KCNQ5: variants seen among roughly 807,000 people sequenced by gnomAD.
KCNQ5 encodes the protein potassium voltage-gated channel subfamily KQT member 5.
Under a neutral mutation model 98.2 loss-of-function variants are expected in KCNQ5, and 30 were observed. The ratio of observed to expected loss-of-function variants is 0.31; its 90% CI spans 0.23 to 0.41. KCNQ5 has a LOEUF of 0.41. KCNQ5 is among the 10% of genes least tolerant of loss of function. The pLI is 1.00. For missense variants in KCNQ5, 835 were observed against 1,182.5 expected (o/e 0.71, Z 4.31); for synonymous variants, 458 against 449.4 (o/e 1.02, Z -0.24).
At chr6:73,171,419 T>C (rs769678015) in intron 11 of KCNQ5, among the ~76,000 whole-genome samples, 22 of 152,174 alleles carry the variant, frequency 1.4e-4, no homozygotes, top group Non-Finnish European at 2.6e-4. Context: ...CCTAGAAGTC[T>C]TGGGTGATGT....
At chr6:72,994,893 A>C (rs1769212948) in intron 1 of KCNQ5, among the ~76,000 whole-genome samples, 1 of 152,286 alleles carries the variant, frequency 6.6e-6, no homozygotes, top group Admixed American at 6.5e-5. Flanking sequence ...ATTTATGTAC[A>C]GGAGTATGAT....
intron 2 of KCNQ5, among the ~76,000 whole-genome samples, chr6:73,017,427 C>T (rs1466758547): frequency 6.6e-6 from 1 of 150,894 alleles, no homozygotes; most frequent in Non-Finnish European, 1.5e-5. Flanking sequence ...CTGATCATGC[C>T]CATTTATTGA....
chr6:72,689,231 G>A (rs183251908), intron 1 of KCNQ5, among the ~76,000 whole-genome samples: 4 of 152,258 alleles, frequency 2.6e-5, no homozygotes, highest in South Asian at 4.1e-4. Context: ...CGTCAATGGC[G>A]GAACAGAATG....
intron 3 of KCNQ5, among the ~76,000 whole-genome samples, chr6:73,056,836 T>C (rs1772523724): frequency 6.6e-6 from 1 of 152,090 alleles, no homozygotes; most frequent in Non-Finnish European, 1.5e-5. Flanking sequence ...CAACAGGTGC[T>C]GGAGAGGATG....
rs562720815 is a variant in KCNQ5, at chr6:72,672,063, G to A, written c.398+49476G>A. ...AATCTTCTGACCTCATGATCCGCCC[G>A]CCTCGGCCTCCCAAAGTGCTGGGAT... is the stretch of plus-strand genomic sequence containing the variant. On this transcript the variant is annotated intron_variant, in intron 1 of 13. Coordinates refer to ENST00000370398, the MANE Select transcript of KCNQ5 (RefSeq NM_019842.4). Among the ~76,000 whole-genome samples the A allele has an allele frequency of 1.4e-3, 205 of 151,290 alleles. 1 individual carries two copies. Among genetic ancestry groups the A allele is most frequent in the African/African-American group, 4.6e-3 (190 of 41,192 alleles).
At chr6:73,143,845 T>C (rs6911751) in intron 10 of KCNQ5, among the ~76,000 whole-genome samples, 29,156 of 152,124 alleles carry the variant, frequency 0.19, 4,494 homozygotes, top group African/African-American at 0.41. Flanking sequence ...TCAGACTTCA[T>C]AGTTTTCAGA....
intron 1 of KCNQ5, among the ~76,000 whole-genome samples, chr6:72,733,060 A>G (rs539024934): frequency 6.6e-6 from 1 of 152,176 alleles, no homozygotes; most frequent in South Asian, 2.1e-4. Context: ...TGGGGTTAAG[A>G]TGCTAGTTGG....
chr6:72,878,774 T>C (rs999842204), intron 1 of KCNQ5, among the ~76,000 whole-genome samples: 4 of 152,232 alleles, frequency 2.6e-5, no homozygotes, highest in Non-Finnish European at 2.9e-5. Flanking sequence ...TTTGTTCTAA[T>C]ATAAAATGTC....
At chr6:73,098,312 AT>A (rs894416639) in intron 5 of KCNQ5, among the ~76,000 whole-genome samples, 4 of 152,174 alleles carry the variant, frequency 2.6e-5, no homozygotes, top group Non-Finnish European at 5.9e-5. Flanking sequence ...AATCTAAGTT[AT>A]TGGCCTTAAA....
intron 1 of KCNQ5, among the ~76,000 whole-genome samples, chr6:72,792,546 T>C (rs1444320459): frequency 2.0e-5 from 3 of 152,186 alleles, no homozygotes; most frequent in Admixed American, 6.5e-5. Context: ...TCAGTGACGA[T>C]GGGTCATGTT....
intron 1 of KCNQ5, among the ~76,000 whole-genome samples, chr6:72,944,790 T>A (rs1766461291): frequency 6.6e-6 from 1 of 152,118 alleles, no homozygotes; most frequent in Non-Finnish European, 1.5e-5. Context: ...CATTCCAGGA[T>A]CTCTGAGAAC....
intron 1 of KCNQ5, among the ~76,000 whole-genome samples, chr6:72,875,528 A>G (rs1230521441): frequency 6.6e-6 from 1 of 152,198 alleles, no homozygotes; most frequent in Non-Finnish European, 1.5e-5. Flanking sequence ...TCAAGTTGTC[A>G]CTGTTTGTTA....
At chr6:72,968,858 T>C in intron 1 of KCNQ5, among the ~76,000 whole-genome samples, 1 of 152,212 alleles carries the variant, frequency 6.6e-6, no homozygotes, top group Non-Finnish European at 1.5e-5. Flanking sequence ...GCAGCACCTG[T>C]TGTTTATTCA....
At chr6:72,751,989 T>C (rs562853614) in intron 1 of KCNQ5, among the ~76,000 whole-genome samples, 18 of 152,266 alleles carry the variant, frequency 1.2e-4, no homozygotes, top group African/African-American at 4.1e-4. Flanking sequence ...ATGTACATCT[T>C]TTGCCTTTTG....
intron 3 of KCNQ5, among the ~76,000 whole-genome samples, 165 bp from the exon 4 acceptor site, chr6:73,077,157 C>A (rs920372456): frequency 6.6e-6 from 1 of 152,200 alleles, no homozygotes; most frequent in African/African-American, 2.4e-5. Flanking sequence ...ATTCTTCAGT[C>A]TTCGGAAATG....
At chr6:72,933,505 G>A (rs1200842200) in intron 1 of KCNQ5, among the ~76,000 whole-genome samples, 4 of 152,106 alleles carry the variant, frequency 2.6e-5, no homozygotes, top group African/African-American at 4.8e-5. Flanking sequence ...TAACCATATC[G>A]TGTTTGCTCA....
chr6:73,050,581 A>C (rs866403324), intron 3 of KCNQ5, among the ~76,000 whole-genome samples: 22 of 152,154 alleles, frequency 1.4e-4, no homozygotes, highest in Admixed American at 6.5e-4. Context: ...TTTGAATTTC[A>C]CCAGTTTTTA....
At chr6:72,794,466 G>T (rs1315232374) in intron 1 of KCNQ5, among the ~76,000 whole-genome samples, 1 of 152,040 alleles carries the variant, frequency 6.6e-6, no homozygotes, top group African/African-American at 2.4e-5. Flanking sequence ...ATACTTCTTT[G>T]TTGGCTAATT....
At chr6:72,889,133 TAAGGA>T (rs1283047346) in intron 1 of KCNQ5, among the ~76,000 whole-genome samples, 2 of 152,168 alleles carry the variant, frequency 1.3e-5, no homozygotes, top group African/African-American at 4.8e-5. Context: ...GGAACCTTGC[TAAGGA>T]AATATCTGAA....
Sources: allele counts gnomAD v4.1 joint callset (sites outside exome capture counted in the v4.1 genomes callset), GRCh38; gene constraint gnomAD v4.1.1; transcripts MANE v1.5; gene names NCBI Gene and HGNC (gene_info 2026-07-23, HGNC 2026-07-21).